The following PRMT2 variants were observed in gnomAD, a reference collection of about 807,000 sequenced individuals.
PRMT2 encodes protein arginine methyltransferase 2.
A neutral mutation model predicts 57.6 loss-of-function variants in PRMT2; 26 were observed. The observed-to-expected ratio is 0.45, with a 90% CI of 0.33 to 0.63. The LOEUF is 0.63. Among genes scored for constraint, PRMT2 ranks in the 20% least tolerant of loss-of-function variants. PRMT2 has a pLI of 0.02. For missense variants in PRMT2, 472 were observed against 564.4 expected, an observed-to-expected ratio of 0.84 and a Z score of 1.66; for synonymous variants, 219 against 220.0, an observed-to-expected ratio of 1.00 and a Z score of 0.04.
chr21:46,648,348 G>C lies in PRMT2; in HGVS notation c.328-110G>C. On this transcript the variant is annotated intron_variant, in intron 5 of 11. Transcript: ENST00000355680. The surrounding 1 kb of genome is among the most constrained non-coding windows in gnomAD (Gnocchi z 4.8). ...CCAGGCCTTCCATAGTCTTCCATAG[G>C]GGTGTTGGGGTCAGGGGTCATCAGC... 2 of 1,134,926 alleles carry C rather than the reference G, an allele frequency of 1.8e-6. No individual in the cohort carries two copies. The highest frequency in any genetic ancestry group is 2.5e-6 in the Non-Finnish European group (2 of 788,770). The allele number at this position is 1,134,926 out of a possible 1,614,324, so 70.3% of individuals were successfully genotyped here.
rs1212382626 is a variant in PRMT2 at position 46,644,309 on chromosome 21, A to T, written c.148A>T (p.Ser50Cys). 2 of 1,598,482 alleles carry T rather than the reference A, an allele frequency of 1.3e-6. No individual in the cohort carries two copies. Among genetic ancestry groups the T allele is most frequent in the Non-Finnish European group, 1.7e-6 (2 of 1,175,648 alleles). Residue 50 changes from serine (S) to cysteine (C), a missense_variant, in exon 5 of 12, where the codon AGT becomes TGT. Around this residue, in one of 2 missense-constraint regions of PRMT2, gnomAD observed 243 missense variants for 347.2 expected, o/e 0.70. Coordinates refer to ENST00000355680, the MANE Select transcript of PRMT2 (RefSeq NM_206962.4). Reference protein sequence around the residue: ...DYAATDETQLSFLRGEKILIL... With the variant: ...DYAATDETQLCFLRGEKILIL... ...ATTTTAACTTTTTTTTTTCCAGCTC[A>T]GTTTTTTGAGAGGAGAAAAAATTCT...
At chr21:46,641,679 G>A (rs1435374361) in intron 3 of PRMT2, among the ~76,000 whole-genome samples, 2 of 151,704 alleles carry the variant, frequency 1.3e-5, no homozygotes, top group Non-Finnish European at 2.9e-5. Context: ...GCGACAGAGC[G>A]AGACTCCATC....
At chr21:46,652,112 A>G in intron 7 of PRMT2, 1 of 1,516,036 alleles carries the variant, frequency 6.6e-7, no homozygotes, top group Non-Finnish European at 8.8e-7. Flanking sequence ...TTGTTCAGAG[A>G]TGGTGCTGGA....
intron 7 of PRMT2, chr21:46,652,125 G>A (rs971519893): frequency 1.8e-5 from 26 of 1,470,570 alleles, no homozygotes; most frequent in African/African-American, 4.2e-5. Flanking sequence ...GTGCTGGAAC[G>A]ACTGATTTGG....
At chr21:46,646,319 C>A (rs774178183) in intron 5 of PRMT2, among the ~76,000 whole-genome samples, 39 of 152,292 alleles carry the variant, frequency 2.6e-4, no homozygotes, top group Non-Finnish European at 4.6e-4. Context: ...TGATTTCTAT[C>A]CGTTAAGGAA....
chr21:46,651,970 A>G lies in PRMT2; in HGVS notation c.654+2231A>G, dbSNP rs761891326. The G allele has an allele frequency of 1.9e-6, 3 of 1,613,232 alleles. No individual in the cohort carries two copies. In the East Asian group the frequency reaches 6.7e-5, roughly 36 times the overall value. On this transcript the variant is annotated intron_variant, in intron 7 of 11. Transcript: ENST00000355680. ...CTGTTCTCAGAGCCCCTCAGCCCTCAGGCCTTCATCTCTCCTGGCCCATCT... is the reference window on the plus strand; with the variant it reads ...CTGTTCTCAGAGCCCCTCAGCCCTCGGGCCTTCATCTCTCCTGGCCCATCT...
Position 46,636,922 on chromosome 21 carries a change from A to G in PRMT2, c.-30A>G, listed in dbSNP as rs781709116. 1.2e-6 allele frequency: 2 copies of G among 1,601,068 alleles called. No homozygotes were observed. The highest frequency in any genetic ancestry group is 2.7e-5 in the African/African-American group (2 of 74,158). Reference sequence around the variant, plus strand: ...AATGGAAAAGAAAATGAAATAAATCAGCAGTTATGAGGCAGAGCCTAAGAG... The same window carrying G: ...AATGGAAAAGAAAATGAAATAAATCGGCAGTTATGAGGCAGAGCCTAAGAG... On this transcript the variant is annotated 5_prime_UTR_variant, in exon 3 of 12. Coordinates refer to ENST00000355680, the MANE Select transcript of PRMT2 (RefSeq NM_206962.4).
chr21:46,636,973 C>T lies in PRMT2; in HGVS notation c.22C>T (p.Pro8Ser). 1 of 1,613,818 alleles carries T rather than the reference C, an allele frequency of 6.2e-7. No homozygotes were observed. Among genetic ancestry groups the T allele is most frequent in the Non-Finnish European group, 8.5e-7 (1 of 1,179,884 alleles). Residue 8 changes from proline to serine, a missense_variant, in exon 3 of 12, where the codon CCC becomes TCC. By Grantham distance (74) the Pro-to-Ser change is moderately conservative. Coordinates refer to ENST00000355680, the MANE Select transcript of PRMT2 (RefSeq NM_206962.4). ...AACTATGGCAACATCAGGTGACTGT[C>T]CCAGAAGTGAATCGCAGGTAATTTC... MATSGDCPRSESQGEEPA... is the reference protein window; with the variant it reads MATSGDCSRSESQGEEPA...
intron 9 of PRMT2, 21 bp from the exon 10 acceptor site, chr21:46,661,779 C>T (rs1225298273): frequency 7.4e-7 from 1 of 1,356,104 alleles, no homozygotes; most frequent in Non-Finnish European, 9.6e-7. Context: ...CCACGCGTGC[C>T]TTGTCATCTG....
At chr21:46,650,964 G>A (rs898450487) in intron 7 of PRMT2, among the ~76,000 whole-genome samples, 2 of 152,228 alleles carry the variant, frequency 1.3e-5, no homozygotes, top group African/African-American at 2.4e-5. Flanking sequence ...TTTGTGCCAC[G>A]TCCTGGACAC....
chr21:46,649,902 T>A lies in PRMT2; in HGVS notation c.654+163T>A. The A allele has an allele frequency of 6.9e-7, 1 of 1,457,892 alleles. No homozygotes were observed. The highest frequency in any genetic ancestry group is 9.1e-7 in the Non-Finnish European group (1 of 1,100,294). 90.3% of individuals were successfully genotyped at this position (1,457,892 alleles called of 1,614,324 possible). A position where few individuals can be genotyped will look rare whatever the true frequency, so the allele number is the denominator to read the frequency against. Reference sequence around the variant, plus strand: ...TTCTTGTGTGGACATTGGCTCAGTGTCTTGAATTTTCACCTGATTTAAAAA... The same window carrying A: ...TTCTTGTGTGGACATTGGCTCAGTGACTTGAATTTTCACCTGATTTAAAAA... On this transcript the variant is annotated intron_variant, in intron 7 of 11. Coordinates refer to ENST00000355680, the MANE Select transcript of PRMT2 (RefSeq NM_206962.4). The surrounding 1 kb of genome is among the most constrained non-coding windows in gnomAD (Gnocchi z 4.8).
At chr21:46,661,971 T>TGGGGGGCGCGGAGAG (rs2061632717) in intron 10 of PRMT2, 35 bp downstream of exon 10, 7 of 102,966 alleles carry the variant, frequency 6.8e-5, no homozygotes, top group Non-Finnish European at 8.7e-5. Context: ...GGGTGCGGGG[T>TGGGGGGCGCGGAGAG]GGGGGGCAGG....
chr21:46,642,494 C>T (rs2061293715), intron 3 of PRMT2, among the ~76,000 whole-genome samples: 1 of 152,188 alleles, frequency 6.6e-6, no homozygotes, highest in Admixed American at 6.5e-5. Context: ...AGTATAAACA[C>T]CAATGTGCTG....
At chr21:46,658,974 G>C (rs1173067035) in intron 8 of PRMT2, 54 bp downstream of exon 8, 1 of 1,573,296 alleles carries the variant, frequency 6.4e-7, no homozygotes, top group African/African-American at 1.3e-5. Context: ...CTGGTCCACA[G>C]TCTGCAGGTG....
chr21:46,659,114 A>G, intron 8 of PRMT2, 194 bp downstream of exon 8: 1 of 1,342,038 alleles, frequency 7.5e-7, no homozygotes, highest in Admixed American at 3.5e-5. Context: ...AGATGGGCAG[A>G]GCAGGGTAGA....
chr21:46,661,018 C>CA, intron 9 of PRMT2, 56 bp downstream of exon 9: 1 of 1,548,660 alleles, frequency 6.5e-7, no homozygotes, highest in South Asian at 1.2e-5. Flanking sequence ...ACGAAACACT[C>CA]AGACCAGAGC....
chr21:46,650,451 C>T (rs988072636), intron 7 of PRMT2, among the ~76,000 whole-genome samples: 2 of 152,162 alleles, frequency 1.3e-5, no homozygotes, highest in Non-Finnish European at 2.9e-5. Context: ...CCCCTGGTAA[C>T]AGATGGCATT....
At position 46,648,219 on chromosome 21, in the gene PRMT2, G is replaced by T; in HGVS notation, c.328-239G>T. On this transcript the variant is annotated intron_variant, in intron 5 of 11. Transcript: ENST00000355680. This position sits in a 1 kb window ranked among gnomAD's most constrained non-coding sequence, Gnocchi z 4.8. ...TCATACATGGTTGTGCACCTTTCTT[G>T]TTAAATTTGTTCCTAGGTATTTTTT... 3 of 462,812 alleles carry T rather than the reference G, an allele frequency of 6.5e-6. No individual in the cohort carries two copies. Among genetic ancestry groups the T allele is most frequent in the South Asian group, 7.4e-5 (2 of 26,962 alleles). 28.7% of individuals were successfully genotyped at this position (462,812 alleles called of 1,614,324 possible).
At chr21:46,651,839 T>G in intron 7 of PRMT2, 4 of 1,612,792 alleles carry the variant, frequency 2.5e-6, no homozygotes, top group Non-Finnish European at 3.4e-6. Context: ...CATTCTCCCC[T>G]GCACCTGTGC....
Sources: allele counts gnomAD v4.1 joint callset (sites outside exome capture counted in the v4.1 genomes callset), GRCh38; gene constraint gnomAD v4.1.1; regional missense constraint gnomAD v4.1.1; non-coding constraint Gnocchi (gnomAD v3.1); transcripts MANE v1.5; gene names NCBI Gene and HGNC (gene_info 2026-07-23, HGNC 2026-07-21).